Variants in CRY1 observed in about 807,000 individuals in gnomAD.
CRY1 encodes the protein cryptochrome circadian regulator 1.
CRY1 carries 45 observed loss-of-function variants against 76.0 expected under a neutral mutation model. That is an observed-to-expected ratio of 0.59 (90% CI 0.47 to 0.76). The LOEUF (loss-of-function observed/expected upper bound fraction) is 0.76. Ranked by LOEUF, CRY1 falls within the 30% of genes least tolerant of loss-of-function variation. The pLI is 0.00. For synonymous variants in CRY1, 248 were observed against 244.0 expected, an observed-to-expected ratio of 1.02 and a Z score of -0.15; for missense variants, 587 against 716.4, an observed-to-expected ratio of 0.82 and a Z score of 2.06.
intron 3 of CRY1, among the ~76,000 whole-genome samples, chr12:107,003,807 A>ATT (rs200134178): frequency 1.3e-4 from 18 of 138,998 alleles, no homozygotes; most frequent in Admixed American, 3.6e-4. Flanking sequence ...TAAACACTTG[A>ATT]TTTTTTTTTT....
At chr12:107,035,169 A>G (rs1362157756) in intron 1 of CRY1, among the ~76,000 whole-genome samples, 2 of 152,240 alleles carry the variant, frequency 1.3e-5, no homozygotes, top group African/African-American at 4.8e-5. Context: ...AAAAGATATT[A>G]ATAATGCTGA....
In CRY1 at chr12:107,009,573, T is replaced by A. The variant is rs1194358831; in HGVS notation, c.268-4325A>T. Reference sequence around the variant, plus strand: ...AAAAAAACAAAAAAACATATATATATATATATATATATATATATATATATA... The same window carrying A: ...AAAAAAACAAAAAAACATATATATAAATATATATATATATATATATATATA... On this transcript the variant is annotated intron_variant, in intron 2 of 12. Transcript: ENST00000008527. Among the ~76,000 whole-genome samples the A allele has an allele frequency of 0.013, 257 of 20,228 alleles. 7 individuals are homozygous for A. The East Asian group carries it at 0.23, about 18-fold the overall frequency. The allele number at this position is 20,228 out of a possible 152,430, so 13.3% of individuals were successfully genotyped here.
intron 1 of CRY1, among the ~76,000 whole-genome samples, chr12:107,027,287 G>A (rs923380773): frequency 2.6e-5 from 4 of 152,128 alleles, no homozygotes; most frequent in African/African-American, 9.7e-5. Context: ...TGAAATGAAT[G>A]ATTTATTTTT....
intron 1 of CRY1, among the ~76,000 whole-genome samples, chr12:107,055,675 T>G (rs1952974436): frequency 6.6e-6 from 1 of 152,062 alleles, no homozygotes; most frequent in Admixed American, 6.6e-5. Flanking sequence ...TCTGATGAAA[T>G]GTATCAGGAC....
chr12:106,993,901 T>C (rs1173853791), intron 10 of CRY1, among the ~76,000 whole-genome samples: 3 of 152,146 alleles, frequency 2.0e-5, no homozygotes, highest in Non-Finnish European at 4.4e-5. Flanking sequence ...CATATTACAG[T>C]CTGTTTTATT....
intron 7 of CRY1, among the ~76,000 whole-genome samples, chr12:106,998,470 G>T (rs1952258522): frequency 6.6e-6 from 1 of 152,016 alleles, no homozygotes; most frequent in Non-Finnish European, 1.5e-5. Context: ...TCATATTCTA[G>T]CCTAAATAAA....
chr12:107,089,673 G>C (rs371785518), intron 1 of CRY1, among the ~76,000 whole-genome samples: 3 of 152,224 alleles, frequency 2.0e-5, no homozygotes, highest in East Asian at 3.9e-4. Flanking sequence ...AGCTTCTAAA[G>C]AAAACTAAGA....
chr12:107,047,801 T>A (rs1952867615), intron 1 of CRY1, among the ~76,000 whole-genome samples: 1 of 152,008 alleles, frequency 6.6e-6, no homozygotes, highest in Admixed American at 6.5e-5. Flanking sequence ...AACACCTATG[T>A]CAGAAAAGTA....
chr12:107,000,055 G>A lies in CRY1; in HGVS notation c.712C>T (p.Arg238Ter), dbSNP rs369511480. Residue 238 changes from arginine (R) to a stop codon, truncating the protein, a stop_gained, in exon 6 of 13, where the codon CGA becomes TGA. Transcript: ENST00000008527. LOFTEE classifies it high-confidence loss of function. ...KAWVANFERP[R>*]MNANSLLASP... Reference sequence around the variant, plus strand: ...GCAAGCAGAGAATTCGCATTCATTCGAGGTCTTTCAAAATTTGCCACCCAA... The same window carrying A: ...GCAAGCAGAGAATTCGCATTCATTCAAGGTCTTTCAAAATTTGCCACCCAA... The A allele has an allele frequency of 3.1e-6, 5 of 1,604,028 alleles. No homozygotes were observed. The highest frequency in any genetic ancestry group is 2.7e-5 in the African/African-American group (2 of 74,358).
At chr12:107,038,412 T>C (rs1952761144) in intron 1 of CRY1, among the ~76,000 whole-genome samples, 2 of 152,032 alleles carry the variant, frequency 1.3e-5, no homozygotes, top group Admixed American at 1.3e-4. Flanking sequence ...AAAGATGGAA[T>C]AAAGTCTACA....
chr12:107,055,110 T>C (rs956380037), intron 1 of CRY1, among the ~76,000 whole-genome samples: 2 of 152,080 alleles, frequency 1.3e-5, no homozygotes, highest in Non-Finnish European at 2.9e-5. Context: ...ACATGGAACA[T>C]TTTTAAAAAT....
chr12:107,039,553 C>T (rs950702074), intron 1 of CRY1, among the ~76,000 whole-genome samples: 5 of 152,042 alleles, frequency 3.3e-5, no homozygotes, highest in African/African-American at 1.2e-4. Flanking sequence ...AAATGGCCAA[C>T]AGGTATATGA....
chr12:107,001,361 A>G lies in CRY1; in HGVS notation c.603T>C (p.Asp201=). 6.2e-7 allele frequency: 1 copy of G among 1,606,402 alleles called. No individual in the cohort carries two copies. The highest frequency in any genetic ancestry group is 1.3e-5 in the African/African-American group (1 of 74,600). Residue 201 remains aspartate (D), a synonymous_variant, in exon 5 of 13, where the codon GAT becomes GAC. Coordinates refer to ENST00000008527, the MANE Select transcript of CRY1 (RefSeq NM_004075.5). ...GVPSLEELGF[D]TDGLSSAVWP... ...ACACTGCAGAGGATAAGCCATCTGT[A>G]TCAAAACCTACAAGAAAGAAAAGAA... is the stretch of plus-strand genomic sequence containing the variant.
At chr12:107,015,964 T>C (rs191253112) in intron 2 of CRY1, among the ~76,000 whole-genome samples, 73 of 152,348 alleles carry the variant, frequency 4.8e-4, no homozygotes, top group African/African-American at 1.5e-3. Context: ...TCTATTTTTG[T>C]GTATCACAAT....
At chr12:107,050,477 G>A (rs1223662689) in intron 1 of CRY1, 1 of 152,110 alleles carries the variant, frequency 6.6e-6, no homozygotes, top group Non-Finnish European at 1.5e-5. Flanking sequence ...AGATTTGGTT[G>A]TTTAAAAGAC....
chr12:107,075,987 A>G (rs1953247425), intron 1 of CRY1, among the ~76,000 whole-genome samples: 1 of 152,088 alleles, frequency 6.6e-6, no homozygotes. Flanking sequence ...AAGCCATGGG[A>G]GGTAGAGGAG....
intron 1 of CRY1, among the ~76,000 whole-genome samples, chr12:107,033,046 G>C (rs1593515239): frequency 6.6e-6 from 1 of 152,216 alleles, no homozygotes; most frequent in Middle Eastern, 3.4e-3. Flanking sequence ...GGAAGAGTAA[G>C]AAATGTTAAG....
chr12:107,023,076 T>C (rs1195387598), intron 1 of CRY1, among the ~76,000 whole-genome samples: 1 of 152,182 alleles, frequency 6.6e-6, no homozygotes, highest in Admixed American at 6.5e-5. Flanking sequence ...ATTTGACTCA[T>C]GTTAAGTTTC....
At chr12:107,066,082 C>G (rs746888733) in intron 1 of CRY1, among the ~76,000 whole-genome samples, 1 of 152,172 alleles carries the variant, frequency 6.6e-6, no homozygotes, top group Non-Finnish European at 1.5e-5. Flanking sequence ...CTAGTTTTTA[C>G]TAGGAATAAA....
Sources: gnomAD v4.1 joint callset for allele counts (sites outside exome capture counted in the v4.1 genomes callset) on GRCh38, gnomAD v4.1.1 for gene constraint, MANE v1.5 for transcripts, NCBI Gene and HGNC (gene_info 2026-07-23, HGNC 2026-07-21) for gene names.